The following VDR variants were observed in gnomAD, a reference collection of about 807,000 sequenced individuals.
VDR encodes vitamin D receptor.
In VDR, 19 loss-of-function variants were observed where a neutral mutation model predicts 39.7. The ratio of observed to expected loss-of-function variants is 0.48; its 90% CI spans 0.33 to 0.70. VDR has a LOEUF of 0.70. Among genes scored for constraint, VDR ranks in the 30% least tolerant of loss-of-function variants. VDR has a pLI of 0.02. For synonymous variants in VDR, 242 were observed against 215.8 expected (o/e 1.12, Z -1.07); for missense variants, 442 against 570.5 (o/e 0.77, Z 2.29).
chr12:47,870,482 TA>T (rs979824843), intron 3 of VDR, among the ~76,000 whole-genome samples: 2 of 150,912 alleles, frequency 1.3e-5, no homozygotes, highest in African/African-American at 4.9e-5. Context: ...GAAGGGGGGG[TA>T]GGGGTGGGGC....
chr12:47,854,491 T>C (rs560616446), intron 7 of VDR, among the ~76,000 whole-genome samples: 43 of 152,330 alleles, frequency 2.8e-4, no homozygotes, highest in Non-Finnish European at 4.7e-4. Flanking sequence ...TAAACCTATC[T>C]CTCTCCAGGA....
intron 1 of VDR, among the ~76,000 whole-genome samples, chr12:47,886,690 G>GA (rs140336079): frequency 0.032 from 4,810 of 152,318 alleles, 109 homozygotes; most frequent in Non-Finnish European, 0.052. Flanking sequence ...ATTCAGCTCT[G>GA]AAAATCTCAA....
intron 2 of VDR, among the ~76,000 whole-genome samples, chr12:47,880,556 A>G (rs1288929943): frequency 6.6e-6 from 1 of 152,202 alleles, no homozygotes; most frequent in Non-Finnish European, 1.5e-5. Context: ...AAGGGAAAGA[A>G]GTGGTGCAGA....
chr12:47,873,522 C>T (rs927114863), intron 3 of VDR, among the ~76,000 whole-genome samples: 6 of 150,794 alleles, frequency 4.0e-5, no homozygotes, highest in East Asian at 2.0e-4. Flanking sequence ...CCACCTCGCC[C>T]GGCTAATTTT....
chr12:47,866,232 C>T (rs1186759449), intron 3 of VDR, among the ~76,000 whole-genome samples: 4 of 150,408 alleles, frequency 2.7e-5, no homozygotes, highest in East Asian at 2.0e-4. Flanking sequence ...CTCAGCCTCC[C>T]GAGTAGCTGG....
chr12:47,885,687 T>C (rs1050724741), intron 1 of VDR, among the ~76,000 whole-genome samples: 1 of 152,214 alleles, frequency 6.6e-6, no homozygotes, highest in African/African-American at 2.4e-5. Flanking sequence ...ATTCCCATCA[T>C]GAGAAGCACT....
At chr12:47,847,378 T>C (rs1945300636) in intron 7 of VDR, among the ~76,000 whole-genome samples, 1 of 152,116 alleles carries the variant, frequency 6.6e-6, no homozygotes, top group Non-Finnish European at 1.5e-5. Context: ...TTCATCTTTC[T>C]TACCACTGCT....
At chr12:47,853,494 T>C (rs1241379849) in intron 7 of VDR, among the ~76,000 whole-genome samples, 1 of 151,112 alleles carries the variant, frequency 6.6e-6, no homozygotes, top group Non-Finnish European at 1.5e-5. Context: ...GGTTCATGCC[T>C]GTAATCCCAG....
chr12:47,847,262 G>A (rs962606247), intron 7 of VDR, among the ~76,000 whole-genome samples: 1 of 152,008 alleles, frequency 6.6e-6, no homozygotes, highest in Non-Finnish European at 1.5e-5. Flanking sequence ...TCTCAAGCCC[G>A]TGATCTTATT....
chr12:47,842,115 A>G lies in VDR; in HGVS notation c.*2631T>C, dbSNP rs1428493588. 6.6e-6 allele frequency: 1 copy of G among 152,498 alleles called. No homozygotes were observed. The highest frequency in any genetic ancestry group is 1.5e-5 in the Non-Finnish European group (1 of 68,238). 9.4% of individuals were successfully genotyped at this position (152,498 alleles called of 1,614,324 possible). Reference sequence around the variant, plus strand: ...CCGAAGAAGGCAGGGCCAGAGGGAGAGCTGGGAAGGTGGTGACATTACAAA... The same window carrying G: ...CCGAAGAAGGCAGGGCCAGAGGGAGGGCTGGGAAGGTGGTGACATTACAAA... On this transcript the variant is annotated 3_prime_UTR_variant, in exon 10 of 10. Transcript: ENST00000549336.
intron 4 of VDR, among the ~76,000 whole-genome samples, chr12:47,864,431 C>T (rs1945685986): frequency 6.6e-6 from 1 of 152,226 alleles, no homozygotes; most frequent in Admixed American, 6.5e-5. Flanking sequence ...TTCAGAGGGT[C>T]GTCCTAGAAC....
rs913831630 is a variant in VDR, at chr12:47,864,371, C to A, written c.277+676G>T. Among the ~76,000 whole-genome samples, 3 of 152,244 alleles carry A rather than the reference C, an allele frequency of 2.0e-5. No individual in the cohort carries two copies. The South Asian group carries it at 6.2e-4, about 31-fold the overall frequency. Reference sequence around the variant, plus strand: ...ATGCCATGTTGGTCTTCTCCAACCCCAGAGAGGGACAGGAAGTCCTATAGA... The same window carrying A: ...ATGCCATGTTGGTCTTCTCCAACCCAAGAGAGGGACAGGAAGTCCTATAGA... On this transcript the variant is annotated intron_variant, in intron 4 of 9. Coordinates refer to ENST00000549336, the MANE Select transcript of VDR (RefSeq NM_000376.3).
intron 3 of VDR, among the ~76,000 whole-genome samples, chr12:47,866,347 G>C (rs1331878495): frequency 6.6e-6 from 1 of 152,086 alleles, no homozygotes; most frequent in Non-Finnish European, 1.5e-5. Flanking sequence ...CGCCTGCCTC[G>C]GCCTCCCAAA....
chr12:47,889,010 A>G (rs1384521362), intron 1 of VDR, among the ~76,000 whole-genome samples: 7 of 152,148 alleles, frequency 4.6e-5, no homozygotes, highest in Admixed American at 4.6e-4. Context: ...TTGAAATATC[A>G]CTCTGTATTC....
chr12:47,876,022 C>CA (rs1202648436), intron 3 of VDR, among the ~76,000 whole-genome samples: 5 of 151,976 alleles, frequency 3.3e-5, no homozygotes, highest in Middle Eastern at 3.4e-3. Flanking sequence ...CAATAAAAAT[C>CA]AAAAAAAGGC....
intron 2 of VDR, among the ~76,000 whole-genome samples, chr12:47,881,090 ATGTGTG>A (rs71726777): frequency 3.2e-4 from 40 of 124,796 alleles, no homozygotes; most frequent in African/African-American, 1.1e-3. Flanking sequence ...AATACAGTAT[ATGTGTG>A]TGTGTGTGTA....
intron 6 of VDR, among the ~76,000 whole-genome samples, chr12:47,856,378 C>T (rs928521430): frequency 2.0e-5 from 3 of 151,980 alleles, no homozygotes; most frequent in African/African-American, 7.3e-5. Context: ...GGAAAATTTC[C>T]GATAAGTGTA....
chr12:47,861,377 A>G (rs1298671337), intron 4 of VDR, among the ~76,000 whole-genome samples: 2 of 152,242 alleles, frequency 1.3e-5, no homozygotes, highest in Non-Finnish European at 2.9e-5. Context: ...ACAGAGGAAG[A>G]AATGCTGAGA....
intron 4 of VDR, among the ~76,000 whole-genome samples, chr12:47,864,257 C>A (rs1206074237): frequency 6.6e-6 from 1 of 152,238 alleles, no homozygotes; most frequent in East Asian, 1.9e-4. Context: ...GAATTCAATG[C>A]CTACTCTAGT....
Sources: gnomAD v4.1 joint callset for allele counts (sites outside exome capture counted in the v4.1 genomes callset) on GRCh38, gnomAD v4.1.1 for gene constraint, MANE v1.5 for transcripts, NCBI Gene and HGNC (gene_info 2026-07-23, HGNC 2026-07-21) for gene names.